The following MINDY2 variants were observed in gnomAD, a reference collection of about 807,000 sequenced individuals.
The protein encoded by MINDY2 is ubiquitin carboxyl-terminal hydrolase MINDY-2.
A neutral mutation model predicts 68.2 loss-of-function variants in MINDY2; 52 were observed. The observed-to-expected ratio is 0.76, with a 90% CI of 0.61 to 0.96. The LOEUF is 0.96. MINDY2 is among the 40% of genes least tolerant of loss of function. The pLI, the probability that MINDY2 is intolerant of heterozygous loss-of-function variation, is 0.00. For synonymous variants in MINDY2, 372 were observed against 303.0 expected (o/e 1.23, Z -2.36); for missense variants, 881 against 773.4 (o/e 1.14, Z -1.65).
intron 2 of MINDY2, among the ~76,000 whole-genome samples, chr15:58,792,854 T>G (rs1481201109): frequency 3.3e-5 from 5 of 152,120 alleles, no homozygotes; most frequent in African/African-American, 1.2e-4. Flanking sequence ...GAAACATCCA[T>G]TAGCCAGGCT....
chr15:58,848,587 T>C (rs372926100), intron 7 of MINDY2, among the ~76,000 whole-genome samples: 1 of 151,040 alleles, frequency 6.6e-6, no homozygotes, highest in Non-Finnish European at 1.5e-5. Flanking sequence ...ACTAAAAATA[T>C]AAAAATCAAT....
At chr15:58,780,182 A>G (rs1353719104) in intron 1 of MINDY2, among the ~76,000 whole-genome samples, 6 of 152,096 alleles carry the variant, frequency 3.9e-5, no homozygotes, top group African/African-American at 1.2e-4. Flanking sequence ...AGGCAGGCGG[A>G]TCACTTGATG....
Position 58,771,849 on chromosome 15 carries a change from A to C in MINDY2, c.454A>C (p.Ser152Arg). Residue 152 changes from serine to arginine, a missense_variant, in exon 1 of 9, where the codon AGC becomes CGC. Physicochemically the swap from Ser to Arg is moderately radical, Grantham distance 110. Transcript: ENST00000559228. The part of the protein sequence containing the change: ...ELTAAGSEEP[S>R]SAGGLSSSCS... The stretch of plus-strand genomic sequence containing the variant: ...GACCGCCGCCGGCTCCGAAGAGCCC[A>C]GCAGCGCCGGCGGCCTCAGCAGCAG... 6.3e-7 allele frequency: 1 copy of C among 1,597,562 alleles called. No individual in the cohort carries two copies. Among genetic ancestry groups the C allele is most frequent in the Non-Finnish European group, 8.5e-7 (1 of 1,172,670 alleles).
rs1176203758 is a variant in MINDY2 at position 58,853,823 on chromosome 15, A to T, written c.1738-659A>T. Among the ~76,000 whole-genome samples the T allele has an allele frequency of 7.2e-4, 24 of 33,378 alleles. No individual in the cohort carries two copies. The East Asian group carries it at 7.8e-3, about 11-fold the overall frequency. 21.9% of individuals were successfully genotyped at this position (33,378 alleles called of 152,430 possible). ...CAGAGTGAGACTCCATCTCAATAAA[A>T]AAAAAAAAAAAAAAAAAAAGTCTGT... On this transcript the variant is annotated intron_variant, in intron 8 of 8. Transcript: ENST00000559228.
At chr15:58,782,250 C>T (rs1448823187) in intron 1 of MINDY2, among the ~76,000 whole-genome samples, 2 of 151,942 alleles carry the variant, frequency 1.3e-5, no homozygotes, top group Non-Finnish European at 2.9e-5. Flanking sequence ...TATATTCATG[C>T]TGAATATATA....
At chr15:58,779,061 C>T (rs1201432823) in intron 1 of MINDY2, among the ~76,000 whole-genome samples, 4 of 140,178 alleles carry the variant, frequency 2.9e-5, no homozygotes, top group African/African-American at 1.1e-4. Flanking sequence ...TGTGCCCAAC[C>T]ATTTTTTTTT....
chr15:58,786,562 T>C (rs1748130377), intron 1 of MINDY2, among the ~76,000 whole-genome samples: 1 of 152,356 alleles, frequency 6.6e-6, no homozygotes, highest in South Asian at 2.1e-4. Context: ...GTTTTTAGTT[T>C]AAATATCACT....
At position 58,824,874 on chromosome 15, in the gene MINDY2, T is replaced by G. The variant is rs558395775; in HGVS notation, c.1225+3055T>G. Reference sequence around the variant, plus strand: ...TAGTAGAGATGAGATTTCACCATGTTGGCCAGGCTGGTCTCAAACTCCTGA... The same window carrying G: ...TAGTAGAGATGAGATTTCACCATGTGGGCCAGGCTGGTCTCAAACTCCTGA... On this transcript the variant is annotated intron_variant, in intron 5 of 8. Coordinates refer to ENST00000559228, the MANE Select transcript of MINDY2 (RefSeq NM_001040450.3). Among the ~76,000 whole-genome samples, 401 of 152,230 alleles carry G rather than the reference T, an allele frequency of 2.6e-3. 2 individuals carry two copies. The highest frequency in any genetic ancestry group is 5.0e-3 in the Admixed American group (76 of 15,272).
chr15:58,846,920 G>GAA (rs544991141), intron 6 of MINDY2, among the ~76,000 whole-genome samples: 1 of 148,956 alleles, frequency 6.7e-6, no homozygotes, highest in Non-Finnish European at 1.5e-5. Context: ...GGCTTAATTG[G>GAA]AAAAAAAAAC....
chr15:58,830,618 A>T (rs181334644), intron 5 of MINDY2, among the ~76,000 whole-genome samples: 131 of 152,316 alleles, frequency 8.6e-4, no homozygotes, highest in Non-Finnish European at 1.5e-3. Context: ...AAACCTATCT[A>T]GCACATGTAT....
At chr15:58,847,826 A>C (rs2032611329) in intron 7 of MINDY2, among the ~76,000 whole-genome samples, 1 of 152,240 alleles carries the variant, frequency 6.6e-6, no homozygotes. Context: ...AAGCAGAGAC[A>C]AATAGTCCAA....
At position 58,847,473 on chromosome 15, in the gene MINDY2, A is replaced by G. The variant is rs367974275; in HGVS notation, c.1542+3A>G. The stretch of plus-strand genomic sequence containing the variant: ...GACAACAAGATCAGATAGATCAGGT[A>G]AATTTGTATTGTCGTCTTTATAGTG... On this transcript the variant is annotated splice_donor_region_variant and intron_variant, in intron 7 of 8. Transcript: ENST00000559228. 29 of 1,528,446 alleles carry G rather than the reference A, an allele frequency of 1.9e-5. No homozygotes were observed. The African/African-American group carries it at 3.4e-4, about 18-fold the overall frequency. The allele number at this position is 1,528,446 out of a possible 1,614,324, so 94.7% of individuals were successfully genotyped here.
At chr15:58,785,891 C>G (rs1480549813) in intron 1 of MINDY2, among the ~76,000 whole-genome samples, 1 of 152,104 alleles carries the variant, frequency 6.6e-6, no homozygotes, top group African/African-American at 2.4e-5. Context: ...GTTGGCCAGG[C>G]TCGTCTCGTA....
At chr15:58,852,153 G>A (rs1415870939) in intron 8 of MINDY2, among the ~76,000 whole-genome samples, 188 bp downstream of exon 8, 1 of 151,674 alleles carries the variant, frequency 6.6e-6, no homozygotes, top group Admixed American at 6.6e-5. Context: ...GGGCGTGGTG[G>A]TGGTGAACAC....
intron 3 of MINDY2, among the ~76,000 whole-genome samples, chr15:58,806,337 G>A (rs532204538): frequency 2.0e-5 from 3 of 150,894 alleles, no homozygotes; most frequent in Admixed American, 2.0e-4. Context: ...CATTACAGGC[G>A]TGAGTCAACG....
chr15:58,801,635 TGAAAA>T (rs1263010430), intron 2 of MINDY2, among the ~76,000 whole-genome samples: 2 of 152,106 alleles, frequency 1.3e-5, no homozygotes, highest in African/African-American at 2.4e-5. Context: ...TCTTTTTAAA[TGAAAA>T]GAAAAGAAAT....
Position 58,787,897 on chromosome 15 carries a change from G to A in MINDY2, c.841-9G>A. The A allele has an allele frequency of 6.4e-7, 1 of 1,572,672 alleles. No homozygotes were observed. Among genetic ancestry groups the A allele is most frequent in the Non-Finnish European group, 8.6e-7 (1 of 1,156,930 alleles). The stretch of plus-strand genomic sequence containing the variant: ...TTTAATTTTATAGAAATAATATTTT[G>A]TTTTTCAGGTGAAACTTCCACCGAT... On this transcript the variant is annotated splice_polypyrimidine_tract_variant and intron_variant, in intron 1 of 8. Transcript: ENST00000559228.
At chr15:58,775,407 A>G (rs1280353144) in intron 1 of MINDY2, among the ~76,000 whole-genome samples, 4 of 152,202 alleles carry the variant, frequency 2.6e-5, no homozygotes, top group Non-Finnish European at 5.9e-5. Flanking sequence ...ACCCATGGCT[A>G]TAGGTGTTTA....
Position 58,771,615 on chromosome 15 carries a change from G to A in MINDY2, c.220G>A (p.Glu74Lys). The change falls in exon 1 of 9, where the codon GAG becomes AAG. Residue 74 changes from glutamate (E) to lysine (K), a missense_variant. By Grantham distance (56) the Glu-to-Lys change is moderately conservative. Coordinates refer to ENST00000559228, the MANE Select transcript of MINDY2 (RefSeq NM_001040450.3). Reference protein sequence around the residue: ...PDSASPAGSPEVPGPCSSSAG... With the variant: ...PDSASPAGSPKVPGPCSSSAG... Reference sequence around the variant, plus strand: ...CTCGGCTTCTCCCGCGGGCTCTCCTGAGGTTCCCGGACCCTGCAGCTCCTC... The same window carrying A: ...CTCGGCTTCTCCCGCGGGCTCTCCTAAGGTTCCCGGACCCTGCAGCTCCTC... 1 of 1,612,204 alleles carries A rather than the reference G, an allele frequency of 6.2e-7. No individual in the cohort carries two copies. Among genetic ancestry groups the A allele is most frequent in the Non-Finnish European group, 8.5e-7 (1 of 1,179,824 alleles).
Sources: gnomAD v4.1 joint callset for allele counts (sites outside exome capture counted in the v4.1 genomes callset) on GRCh38, gnomAD v4.1.1 for gene constraint, MANE v1.5 for transcripts, NCBI Gene and HGNC (gene_info 2026-07-23, HGNC 2026-07-21) for gene names.